The following DNAJC15 variants were observed in gnomAD, a reference collection of about 807,000 sequenced individuals.
DNAJC15 encodes DnaJ heat shock protein family (Hsp40) member C15.
Under a neutral mutation model 22.4 loss-of-function variants are expected in DNAJC15, and 27 were observed. The observed-to-expected ratio is 1.20, with a 90% CI of 0.89 to 1.66. The LOEUF (loss-of-function observed/expected upper bound fraction) is 1.66. Among genes scored for constraint, DNAJC15 ranks in the 40% most tolerant of loss-of-function variants. The pLI is 0.00. For synonymous variants in DNAJC15, 79 were observed against 63.2 expected (o/e 1.25, Z -1.19); for missense variants, 208 against 187.1 (o/e 1.11, Z -0.65).
At chr13:43,059,847 CGCG>C (rs2040550001) in intron 1 of DNAJC15, among the ~76,000 whole-genome samples, 1 of 151,788 alleles carries the variant, frequency 6.6e-6, no homozygotes, top group Admixed American at 6.6e-5. Context: ...AGCAATGTTT[CGCG>C]GGCATGGGGT....
At chr13:43,065,806 T>A in intron 2 of DNAJC15, 69 bp downstream of exon 2, 1 of 1,381,322 alleles carries the variant, frequency 7.2e-7, no homozygotes, top group East Asian at 2.3e-5. Flanking sequence ...CAGTGATTCA[T>A]GAGTAGACCC....
At chr13:43,025,651 TC>T (rs1170838906) in intron 1 of DNAJC15, among the ~76,000 whole-genome samples, 17 of 152,226 alleles carry the variant, frequency 1.1e-4, no homozygotes, top group Admixed American at 1.1e-3. Context: ...GCTCCTATAA[TC>T]CCAGCAATTT....
In DNAJC15 at chr13:43,103,974, A is replaced by AT. The variant is rs545744238; in HGVS notation, c.383-3197dup. Among the ~76,000 whole-genome samples, 75 of 152,216 alleles carry AT rather than the reference A, an allele frequency of 4.9e-4. No homozygotes were observed. In the East Asian group the frequency reaches 0.014, roughly 29 times the overall value. On this transcript the variant is annotated intron_variant, in intron 5 of 5. Coordinates refer to ENST00000379221, the MANE Select transcript of DNAJC15 (RefSeq NM_013238.3). ...GTCAGCGTTATTTTTGATAGTGTATATTTTTTTCTATTTCTTAAAAGTATA... is the reference window on the plus strand; with the variant it reads ...GTCAGCGTTATTTTTGATAGTGTATATTTTTTTTCTATTTCTTAAAAGTATA...
intron 2 of DNAJC15, among the ~76,000 whole-genome samples, chr13:43,066,548 A>G (rs538042403): frequency 5.3e-5 from 8 of 152,342 alleles, no homozygotes; most frequent in Non-Finnish European, 1.0e-4. Context: ...GTTTTATTAC[A>G]TAAGGGTAAC....
At chr13:43,069,169 A>C (rs1160285899) in intron 3 of DNAJC15, among the ~76,000 whole-genome samples, 166 bp downstream of exon 3, 1 of 152,148 alleles carries the variant, frequency 6.6e-6, no homozygotes, top group Non-Finnish European at 1.5e-5. Flanking sequence ...AGTTTCTTTT[A>C]AGTTATTGGT....
Position 43,107,412 on chromosome 13 carries a change from C to T in DNAJC15, c.*164C>T. On this transcript the variant is annotated 3_prime_UTR_variant, in exon 6 of 6. Transcript: ENST00000379221. The stretch of plus-strand genomic sequence containing the variant: ...TAACAATAAAATGTTAATAGTCTTG[C>T]TTTTTATTATCTTTTAAAGATCTCC... The T allele has an allele frequency of 2.2e-6, 1 of 453,342 alleles. No homozygotes were observed. Among genetic ancestry groups the T allele is most frequent in the Non-Finnish European group, 3.8e-6 (1 of 265,248 alleles). 28.1% of individuals were successfully genotyped at this position (453,342 alleles called of 1,614,324 possible).
chr13:43,085,775 G>A lies in DNAJC15; in HGVS notation c.319G>A (p.Ala107Thr), dbSNP rs1349719274. Residue 107 changes from alanine to threonine, a missense_variant, in exon 5 of 6, where the codon GCT becomes ACT. Coordinates refer to ENST00000379221, the MANE Select transcript of DNAJC15 (RefSeq NM_013238.3). ...TGTAATTTCTTTTTACAGCCCATCT[G>A]CTGGCAAGGCTAAGATTAGAACAGC... is the stretch of plus-strand genomic sequence containing the variant. ...AGLILGVSPS[A>T]GKAKIRTAHR... is the part of the protein sequence containing the mutation. The A allele has an allele frequency of 2.5e-6, 4 of 1,612,056 alleles. No individual in the cohort carries two copies. Among genetic ancestry groups the A allele is most frequent in the Non-Finnish European group, 3.4e-6 (4 of 1,179,484 alleles).
At chr13:43,067,686 G>A (rs2040590324) in intron 2 of DNAJC15, among the ~76,000 whole-genome samples, 1 of 152,118 alleles carries the variant, frequency 6.6e-6, no homozygotes, top group African/African-American at 2.4e-5. Flanking sequence ...TTAGGAGAAA[G>A]TACACTTAGA....
intron 3 of DNAJC15, among the ~76,000 whole-genome samples, chr13:43,075,015 T>C (rs1328242944): frequency 6.6e-6 from 1 of 152,190 alleles, no homozygotes; most frequent in Non-Finnish European, 1.5e-5. Flanking sequence ...CAGATTTTAG[T>C]ATGAGTGGTC....
chr13:43,072,856 G>A (rs1021631291), intron 3 of DNAJC15, among the ~76,000 whole-genome samples: 2 of 152,108 alleles, frequency 1.3e-5, no homozygotes, highest in Non-Finnish European at 2.9e-5. Context: ...GAGCCACTGC[G>A]CCCGGCCAAC....
intron 5 of DNAJC15, among the ~76,000 whole-genome samples, chr13:43,089,880 T>G (rs978050624): frequency 6.6e-6 from 1 of 152,230 alleles, no homozygotes; most frequent in Non-Finnish European, 1.5e-5. Context: ...CATAACTATA[T>G]TCCTTTTTCA....
intron 5 of DNAJC15, among the ~76,000 whole-genome samples, chr13:43,104,944 C>T (rs1475378623): frequency 6.6e-6 from 1 of 151,902 alleles, no homozygotes; most frequent in South Asian, 2.1e-4. Flanking sequence ...TCACCTCACC[C>T]TCCCAAAGTG....
intron 1 of DNAJC15, among the ~76,000 whole-genome samples, chr13:43,040,298 G>A (rs1332338499): frequency 2.0e-5 from 3 of 152,200 alleles, no homozygotes; most frequent in Admixed American, 6.5e-5. Context: ...TTCAAATGCT[G>A]AAGGTTTTAA....
At chr13:43,087,693 C>G (rs191929567) in intron 5 of DNAJC15, among the ~76,000 whole-genome samples, 32 of 152,222 alleles carry the variant, frequency 2.1e-4, no homozygotes, top group African/African-American at 7.2e-4. Context: ...CCCCAAGGAA[C>G]TTTTCTGTTG....
At chr13:43,072,867 G>A (rs374956260) in intron 3 of DNAJC15, among the ~76,000 whole-genome samples, 14 of 152,080 alleles carry the variant, frequency 9.2e-5, no homozygotes, top group East Asian at 3.9e-4. Context: ...CCCGGCCAAC[G>A]TTAGTAATTT....
At chr13:43,096,940 G>A (rs2040742514) in intron 5 of DNAJC15, among the ~76,000 whole-genome samples, 1 of 152,144 alleles carries the variant, frequency 6.6e-6, no homozygotes, top group Non-Finnish European at 1.5e-5. Flanking sequence ...AGCTATCCCA[G>A]CTTAGGCCCT....
intron 1 of DNAJC15, among the ~76,000 whole-genome samples, chr13:43,058,916 A>T (rs559643812): frequency 6.6e-6 from 1 of 152,164 alleles, no homozygotes; most frequent in African/African-American, 2.4e-5. Context: ...GTGAGGATGC[A>T]TGTTCAGAGG....
At chr13:43,085,216 C>T (rs931480806) in intron 4 of DNAJC15, among the ~76,000 whole-genome samples, 2 of 151,920 alleles carry the variant, frequency 1.3e-5, no homozygotes, top group African/African-American at 4.8e-5. Context: ...CAAAAATTAG[C>T]CGGGTGTGGT....
intron 2 of DNAJC15, among the ~76,000 whole-genome samples, chr13:43,066,879 A>G (rs991658058): frequency 6.6e-6 from 1 of 152,158 alleles, no homozygotes; most frequent in African/African-American, 2.4e-5. Context: ...TCGGCCTCCT[A>G]AAGGGCTGGG....
Sources: gnomAD v4.1 joint callset for allele counts (sites outside exome capture counted in the v4.1 genomes callset) on GRCh38, gnomAD v4.1.1 for gene constraint, MANE v1.5 for transcripts, NCBI Gene and HGNC (gene_info 2026-07-23, HGNC 2026-07-21) for gene names.